PSMD8: variants seen among roughly 807,000 people sequenced by gnomAD.
PSMD8 encodes the protein 26S proteasome non-ATPase regulatory subunit 8.
PSMD8 carries 30 observed loss-of-function variants against 40.0 expected under a neutral mutation model. That is an observed-to-expected ratio of 0.75 (90% confidence interval 0.56 to 1.02). The LOEUF (loss-of-function observed/expected upper bound fraction) is 1.02, where lower values mean the gene tolerates loss of function less well. Ranked by LOEUF, PSMD8 falls within the 50% of genes least tolerant of loss-of-function variation. The pLI, the probability that PSMD8 is intolerant of heterozygous loss-of-function variation, is 0.00. For synonymous variants in PSMD8, 208 were observed against 192.5 expected (o/e 1.08, Z -0.67); for missense variants, 461 against 463.9 (o/e 0.99, Z 0.06).
chr19:38,374,912 G>A lies in PSMD8; in HGVS notation c.311G>A (p.Arg104His), dbSNP rs11541762. 1 of 1,585,152 alleles carries A rather than the reference G, an allele frequency of 6.3e-7. No individual in the cohort carries two copies. The highest frequency in any genetic ancestry group is 8.5e-7 in the Non-Finnish European group (1 of 1,173,786). Residue 104 changes from arginine (R) to histidine (H), a missense_variant, in exon 1 of 7, where the codon CGT becomes CAT. Physicochemically the swap from Arg to His is conservative, Grantham distance 29. Coordinates refer to ENST00000215071, the MANE Select transcript of PSMD8 (RefSeq NM_002812.5). ...GAGCAACTCAAGGGCGAGTGGAACCGTAAAAGCCCCAATCTTAGCAAGTGC... is the reference window on the plus strand; with the variant it reads ...GAGCAACTCAAGGGCGAGTGGAACCATAAAAGCCCCAATCTTAGCAAGTGC... ...MYEQLKGEWN[R>H]KSPNLSKCGE...
intron 1 of PSMD8, chr19:38,375,178 C>T (rs1031239741): frequency 1.6e-5 from 12 of 757,206 alleles, no homozygotes; most frequent in Admixed American, 3.2e-5. Context: ...TTGATGGTCA[C>T]GCCTGTAATC....
At chr19:38,380,723 T>TGTGTGTGTGTGCGCGCGCGCGTGCGCGC (rs575195574) in intron 4 of PSMD8, among the ~76,000 whole-genome samples, 176 bp from the exon 5 acceptor site, 24 of 143,998 alleles carry the variant, frequency 1.7e-4, no homozygotes, top group South Asian at 1.2e-3. Context: ...TGTGTGTGTG[T>TGTGTGTGTGTGCGCGCGCGCGTGCGCGC]GTGTGTGCGC....
At chr19:38,375,260 T>G in intron 1 of PSMD8, 1 of 396,012 alleles carries the variant, frequency 2.5e-6, no homozygotes, top group Non-Finnish European at 4.6e-6. Flanking sequence ...CTGAGCAACA[T>G]AGCGAGACTC....
Position 38,382,234 on chromosome 19 carries a change from T to TGGGGTAC in PSMD8, c.915+7_915+13dup. ...TGACAGACTACGCCAAGAAGGTGGCTGGGGTACAGGGCAAGGGGCCGTGGG... is the reference window on the plus strand; with the variant it reads ...TGACAGACTACGCCAAGAAGGTGGCTGGGGTACGGGGTACAGGGCAAGGGGCCGTGGG... On this transcript the variant is annotated splice_region_variant and intron_variant, in intron 6 of 6. Coordinates refer to ENST00000215071, the MANE Select transcript of PSMD8 (RefSeq NM_002812.5). 6.3e-7 allele frequency: 1 copy of TGGGGTAC among 1,578,256 alleles called. No individual in the cohort carries two copies. The highest frequency in any genetic ancestry group is 8.6e-7 in the Non-Finnish European group (1 of 1,161,980).
chr19:38,376,896 C>T (rs1970602585), intron 3 of PSMD8, among the ~76,000 whole-genome samples: 1 of 152,256 alleles, frequency 6.6e-6, no homozygotes, highest in Non-Finnish European at 1.5e-5. Flanking sequence ...TGTGCCTGCT[C>T]ATCCCAGCCC....
chr19:38,382,000 T>A, intron 5 of PSMD8, 117 bp from the exon 6 acceptor site: 1 of 693,422 alleles, frequency 1.4e-6, no homozygotes, highest in Non-Finnish European at 2.5e-6. Context: ...GCCCTTCACA[T>A]ATTCCTGCCA....
intron 4 of PSMD8, among the ~76,000 whole-genome samples, chr19:38,379,877 C>A (rs984662144): frequency 1.3e-5 from 2 of 152,198 alleles, no homozygotes; most frequent in African/African-American, 2.4e-5. Flanking sequence ...AGGAGGACTG[C>A]TTGAGCCCAG....
Position 38,382,231 on chromosome 19 carries a change from GGC to G in PSMD8, c.915+4_915+5del, listed in dbSNP as rs1970646819. 6.3e-7 allele frequency: 1 copy of G among 1,580,844 alleles called. No individual in the cohort carries two copies. The highest frequency in any genetic ancestry group is 1.7e-4 in the Middle Eastern group (1 of 6,026). ...AGATGACAGACTACGCCAAGAAGGT[GGC>G]TGGGGTACAGGGCAAGGGGCCGTGG... On this transcript the variant is annotated splice_donor_5th_base_variant and intron_variant, in intron 6 of 6. Coordinates refer to ENST00000215071, the MANE Select transcript of PSMD8 (RefSeq NM_002812.5).
chr19:38,378,947 C>A (rs990320627), intron 3 of PSMD8, among the ~76,000 whole-genome samples: 9 of 152,078 alleles, frequency 5.9e-5, no homozygotes, highest in African/African-American at 2.2e-4. Context: ...AGAGAGACTC[C>A]TTCTCAAAAA....
chr19:38,375,280 ATT>A, intron 1 of PSMD8: 2 of 292,126 alleles, frequency 6.8e-6, no homozygotes, highest in East Asian at 9.2e-5. Context: ...CTGTCTCTAC[ATT>A]TTTTTTTTAA....
intron 1 of PSMD8, chr19:38,375,319 G>C (rs1323975356): frequency 2.3e-5 from 6 of 264,444 alleles, no homozygotes; most frequent in African/African-American, 1.4e-4. Flanking sequence ...ATGGACCCAC[G>C]CGGGGGTGGT....
chr19:38,376,559 C>T (rs929446393), intron 3 of PSMD8, 105 bp downstream of exon 3: 1 of 1,033,350 alleles, frequency 9.7e-7, no homozygotes, highest in Non-Finnish European at 1.5e-6. Context: ...GGGAACTCCT[C>T]CTGGCTTAGT....
chr19:38,375,991 G>T (rs1444404591), intron 1 of PSMD8, among the ~76,000 whole-genome samples, 169 bp from the exon 2 acceptor site: 2 of 152,224 alleles, frequency 1.3e-5, no homozygotes, highest in East Asian at 3.8e-4. Context: ...ATGGGCATGT[G>T]TTGCGTGCTC....
At chr19:38,376,039 C>T (rs1237565310) in intron 1 of PSMD8, 121 bp from the exon 2 acceptor site, 1 of 980,992 alleles carries the variant, frequency 1.0e-6, no homozygotes. Flanking sequence ...AAGCATTCCT[C>T]ATGAGTCTGG....
intron 4 of PSMD8, among the ~76,000 whole-genome samples, chr19:38,380,585 T>G (rs1970631060): frequency 2.1e-5 from 3 of 145,604 alleles, no homozygotes; most frequent in South Asian, 2.3e-4. Context: ...GAGCCAGCGC[T>G]GTCTCCCTCC....
At chr19:38,379,193 A>C in intron 3 of PSMD8, 47 bp from the exon 4 acceptor site, 1 of 1,584,538 alleles carries the variant, frequency 6.3e-7, no homozygotes, top group Non-Finnish European at 8.6e-7. Flanking sequence ...AGGGCTCGCT[A>C]GGCCCTTAAA....
chr19:38,380,707 A>AGAGTGT (rs1555743507), intron 4 of PSMD8, among the ~76,000 whole-genome samples, 192 bp from the exon 5 acceptor site: 2 of 120,884 alleles, frequency 1.7e-5, no homozygotes, highest in Admixed American at 8.4e-5. Context: ...AGAGAGAGAG[A>AGAGTGT]GTGTGTGTGT....
intron 1 of PSMD8, 195 bp downstream of exon 1, chr19:38,375,156 G>A (rs1970587816): frequency 2.1e-6 from 2 of 947,426 alleles, no homozygotes; most frequent in Non-Finnish European, 1.5e-6. Context: ...AGCGAGAGAG[G>A]GACAGGGAGC....
chr19:38,380,275 AAAAAG>A (rs1194183056), intron 4 of PSMD8, among the ~76,000 whole-genome samples: 6 of 152,210 alleles, frequency 3.9e-5, no homozygotes, highest in Non-Finnish European at 7.3e-5. Context: ...AACAGGCTCA[AAAAAG>A]AAAAGAAAAG....
Sources: allele counts gnomAD v4.1 joint callset (sites outside exome capture counted in the v4.1 genomes callset), GRCh38; gene constraint gnomAD v4.1.1; transcripts MANE v1.5; gene names NCBI Gene and HGNC (gene_info 2026-07-23, HGNC 2026-07-21).